Variants in DTNA observed in about 807,000 individuals in gnomAD.
DTNA encodes the protein dystrobrevin alpha.
DTNA carries 43 observed loss-of-function variants against 100.7 expected under a neutral mutation model. The observed-to-expected ratio is 0.43, with a 90% CI of 0.33 to 0.55. DTNA has a LOEUF of 0.55. Among genes scored for constraint, DTNA ranks in the 20% least tolerant of loss-of-function variants. DTNA has a pLI of 0.04. For synonymous variants in DTNA, 349 were observed against 347.9 expected, an observed-to-expected ratio of 1.00 and a Z score of -0.04; for missense variants, 798 against 953.9, an observed-to-expected ratio of 0.84 and a Z score of 2.15.
At chr18:34,552,759 C>T (rs370455386) in intron 1 of DTNA, among the ~76,000 whole-genome samples, 6 of 150,822 alleles carry the variant, frequency 4.0e-5, no homozygotes, top group South Asian at 2.1e-4. Flanking sequence ...TGCCACATTT[C>T]CTTAATCCAG....
chr18:34,863,449 T>C (rs1173582873), intron 16 of DTNA, among the ~76,000 whole-genome samples: 1 of 152,264 alleles, frequency 6.6e-6, no homozygotes, highest in African/African-American at 2.4e-5. Flanking sequence ...GGATTGTATC[T>C]ACGTGCTGTT....
chr18:34,626,915 G>A (rs2057397028), intron 1 of DTNA, among the ~76,000 whole-genome samples: 1 of 152,212 alleles, frequency 6.6e-6, no homozygotes, highest in South Asian at 2.1e-4. Context: ...CCAAAGGTGT[G>A]TGCTAATGGC....
chr18:34,882,996 G>A (rs1425516001), intron 21 of DTNA, among the ~76,000 whole-genome samples: 1 of 152,104 alleles, frequency 6.6e-6, no homozygotes, highest in Non-Finnish European at 1.5e-5. Context: ...AGGTATGGAC[G>A]GACAGATTTT....
At position 34,787,947 on chromosome 18, in the gene DTNA, A is replaced by G. The variant is rs139238545; in HGVS notation, c.149-6090A>G. Among the ~76,000 whole-genome samples the G allele has an allele frequency of 2.6e-4, 39 of 152,314 alleles. No individual in the cohort carries two copies. The East Asian group carries it at 7.5e-3, about 29-fold the overall frequency. Reference sequence around the variant, plus strand: ...ATTAGGTTAAGAATGCATTTTGTCTATTCTCGATGTGGTTATTGTTAACTA... The same window carrying G: ...ATTAGGTTAAGAATGCATTTTGTCTGTTCTCGATGTGGTTATTGTTAACTA... On this transcript the variant is annotated intron_variant, in intron 3 of 22. Coordinates refer to ENST00000444659, the MANE Select transcript of DTNA (RefSeq NM_001386795.1).
chr18:34,867,795 G>T, intron 17 of DTNA: 1 of 985,440 alleles, frequency 1.0e-6, no homozygotes, highest in Non-Finnish European at 1.2e-6. Context: ...CCCCAAGGTG[G>T]CGCCACTGCC....
intron 1 of DTNA, among the ~76,000 whole-genome samples, chr18:34,627,935 AT>A (rs934367681): frequency 1.1e-4 from 16 of 151,904 alleles, no homozygotes; most frequent in African/African-American, 3.4e-4. Flanking sequence ...CTGTATGCTA[AT>A]TTTTTTTGTT....
At chr18:34,866,402 A>G (rs756960601) in intron 17 of DTNA, 15 of 1,338,808 alleles carry the variant, frequency 1.1e-5, no homozygotes, top group Non-Finnish European at 1.4e-5. Flanking sequence ...GAAACATTTT[A>G]GATCCCCAGA....
chr18:34,702,670 T>C (rs80100788), intron 1 of DTNA, among the ~76,000 whole-genome samples: 3 of 152,276 alleles, frequency 2.0e-5, no homozygotes, highest in African/African-American at 4.8e-5. Context: ...TTTCCACCTA[T>C]ATCACCCATA....
intron 16 of DTNA, among the ~76,000 whole-genome samples, chr18:34,862,827 G>A (rs2096646999): frequency 6.6e-6 from 1 of 152,168 alleles, no homozygotes; most frequent in African/African-American, 2.4e-5. Context: ...AAATAGAAAT[G>A]TATCATTTAT....
chr18:34,717,083 G>A (rs1361787118), intron 1 of DTNA, among the ~76,000 whole-genome samples: 3 of 152,214 alleles, frequency 2.0e-5, no homozygotes, highest in Admixed American at 6.5e-5. Context: ...CTACATTTAG[G>A]TGTGGTGGAG....
intron 1 of DTNA, chr18:34,662,932 A>G (rs1345035305): frequency 6.6e-6 from 1 of 152,106 alleles, no homozygotes; most frequent in Non-Finnish European, 1.5e-5. Flanking sequence ...CTATCATATT[A>G]TTTGCCTTTT....
In DTNA at chr18:34,818,214, T is replaced by G. The variant is rs2095637607; in HGVS notation, c.760T>G (p.Phe254Val). Residue 254 changes from phenylalanine to valine, a missense_variant, in exon 8 of 23, where the codon TTT becomes GTT. By Grantham distance (50) the Phe-to-Val change is conservative. Around this residue, in one of 6 missense-constraint regions of DTNA, gnomAD observed 81 missense variants for 153.5 expected, o/e 0.53. Transcript: ENST00000444659. ...CTGCCACAGTGAGAGTATGATGGGA[T>G]TTCGCTACCGATGCCAACAGTGTCA... is the stretch of plus-strand genomic sequence containing the variant. ...SYCHSESMMGFRYRCQQCHNY... is the reference protein window; with the variant it reads ...SYCHSESMMGVRYRCQQCHNY... 1 of 1,613,960 alleles carries G rather than the reference T, an allele frequency of 6.2e-7. No individual in the cohort carries two copies. Among genetic ancestry groups the G allele is most frequent in the Non-Finnish European group, 8.5e-7 (1 of 1,179,970 alleles).
intron 1 of DTNA, among the ~76,000 whole-genome samples, chr18:34,498,442 T>TATA (rs58997432): frequency 0.19 from 26,626 of 141,600 alleles, 2,532 homozygotes; most frequent in East Asian, 0.26. Flanking sequence ...CAGAAAATAA[T>TATA]ATAATAATAA....
At chr18:34,579,595 T>C (rs1005542253) in intron 1 of DTNA, among the ~76,000 whole-genome samples, 4 of 152,346 alleles carry the variant, frequency 2.6e-5, no homozygotes, top group Admixed American at 2.6e-4. Context: ...ACTTTGCAGA[T>C]ATTGCATCGT....
At chr18:34,761,474 G>A (rs2093166994) in intron 2 of DTNA, among the ~76,000 whole-genome samples, 1 of 152,128 alleles carries the variant, frequency 6.6e-6, no homozygotes. Context: ...AATGGGTAGG[G>A]AAAAGGTGGA....
chr18:34,805,511 G>A (rs767588209), intron 4 of DTNA, among the ~76,000 whole-genome samples: 1 of 152,014 alleles, frequency 6.6e-6, no homozygotes, highest in Non-Finnish European at 1.5e-5. Context: ...TTTCAGTAGA[G>A]ACAGGATATC....
chr18:34,866,757 T>G, intron 17 of DTNA: 1 of 990,034 alleles, frequency 1.0e-6, no homozygotes, highest in Non-Finnish European at 1.2e-6. Flanking sequence ...TTTTGGCTCT[T>G]CCCCAAAGCA....
At chr18:34,849,439 A>G (rs1453395493) in intron 14 of DTNA, among the ~76,000 whole-genome samples, 1 of 152,202 alleles carries the variant, frequency 6.6e-6, no homozygotes, top group Admixed American at 6.5e-5. Context: ...TGTGTGTCCC[A>G]GCTCTCCATG....
intron 17 of DTNA, chr18:34,868,791 AT>A (rs934041214): frequency 4.8e-5 from 47 of 981,322 alleles, no homozygotes; most frequent in Middle Eastern, 5.2e-4. Context: ...CAAGCAATAA[AT>A]TTTTTTTTAC....
Sources: allele counts gnomAD v4.1 joint callset (sites outside exome capture counted in the v4.1 genomes callset), GRCh38; gene constraint gnomAD v4.1.1; regional missense constraint gnomAD v4.1.1; transcripts MANE v1.5; gene names NCBI Gene and HGNC (gene_info 2026-07-23, HGNC 2026-07-21).